The following PRR16 variants were observed in gnomAD, a reference collection of about 807,000 sequenced individuals.
PRR16 encodes the protein proline rich 16, also known as protein Largen.
PRR16 carries 6 observed loss-of-function variants against 18.2 expected under a neutral mutation model. That is an observed-to-expected ratio of 0.33 (90% CI 0.18 to 0.65). PRR16 has a LOEUF of 0.65. Ranked by LOEUF, PRR16 falls within the 30% of genes least tolerant of loss-of-function variation. The pLI is 0.74. For synonymous variants in PRR16, 151 were observed against 147.8 expected, an observed-to-expected ratio of 1.02 and a Z score of -0.16; for missense variants, 412 against 376.6, an observed-to-expected ratio of 1.09 and a Z score of -0.78.
chr5:120,541,346 A>G (rs548191380), intron 1 of PRR16, among the ~76,000 whole-genome samples: 12 of 152,138 alleles, frequency 7.9e-5, no homozygotes, highest in East Asian at 3.9e-4. Flanking sequence ...TGGTTTCACT[A>G]TGTTGGCCAG....
At chr5:120,562,851 A>C (rs1752618971) in intron 1 of PRR16, among the ~76,000 whole-genome samples, 1 of 152,118 alleles carries the variant, frequency 6.6e-6, no homozygotes, top group Admixed American at 6.6e-5. Flanking sequence ...TGTCTTAAAA[A>C]GTTTTTATAG....
chr5:120,580,293 A>G (rs1176115569), intron 1 of PRR16, among the ~76,000 whole-genome samples: 3 of 152,026 alleles, frequency 2.0e-5, no homozygotes, highest in Non-Finnish European at 4.4e-5. Context: ...GAGAGAGGGC[A>G]TTCTTGTCTT....
the PRR16 span, among the ~76,000 whole-genome samples, chr5:120,697,634 C>A: frequency 2.0e-5 from 3 of 152,014 alleles, no homozygotes; most frequent in Admixed American, 2.0e-4. Context: ...CGGGCTGAGT[C>A]CGAAAAGAGA....
At chr5:120,729,854 G>T in the PRR16 span, among the ~76,000 whole-genome samples, 1 of 152,210 alleles carries the variant, frequency 6.6e-6, no homozygotes, top group East Asian at 1.9e-4. Flanking sequence ...AAAGTTGTAC[G>T]TGATGGAGGG....
chr5:120,603,904 G>A lies in PRR16; in HGVS notation c.160-82050G>A, dbSNP rs1043302676. Among the ~76,000 whole-genome samples the A allele has an allele frequency of 6.6e-5, 10 of 151,894 alleles. No individual in the cohort carries two copies. The East Asian group carries it at 9.7e-4, about 15-fold the overall frequency. The stretch of plus-strand genomic sequence containing the variant: ...TATTGATTTCTGTTTTTATTGTGCC[G>A]TAGTCTAAGAGTGTTCTTGGGATGA... On this transcript the variant is annotated intron_variant, in intron 1 of 1. Transcript: ENST00000407149.
intron 1 of PRR16, among the ~76,000 whole-genome samples, chr5:120,535,961 T>C (rs1239072471): frequency 6.6e-6 from 1 of 152,148 alleles, no homozygotes; most frequent in East Asian, 1.9e-4. Context: ...AAATAAATTA[T>C]TTAAAAAGAA....
chr5:120,495,684 T>G (rs1750221199), intron 1 of PRR16, among the ~76,000 whole-genome samples: 1 of 152,072 alleles, frequency 6.6e-6, no homozygotes, highest in South Asian at 2.1e-4. Context: ...TGTAGAGAGA[T>G]ATATATGATT....
At chr5:120,779,860 G>A in the PRR16 span, among the ~76,000 whole-genome samples, 1,217 of 152,162 alleles carry the variant, frequency 8.0e-3, 7 homozygotes, top group Middle Eastern at 0.024. Context: ...CTCTCCCATC[G>A]ACGTGTGCCA....
chr5:120,567,070 T>A (rs1178788646), intron 1 of PRR16, among the ~76,000 whole-genome samples: 1 of 152,194 alleles, frequency 6.6e-6, no homozygotes, highest in Non-Finnish European at 1.5e-5. Flanking sequence ...TCAAATCATT[T>A]TGTGCTATGC....
chr5:120,547,882 A>G (rs565350503), intron 1 of PRR16, among the ~76,000 whole-genome samples: 1 of 152,208 alleles, frequency 6.6e-6, no homozygotes, highest in South Asian at 2.1e-4. Flanking sequence ...GCACCCATAC[A>G]GGCAGTAGAT....
At chr5:120,585,899 G>A (rs1308300384) in intron 1 of PRR16, among the ~76,000 whole-genome samples, 2 of 151,942 alleles carry the variant, frequency 1.3e-5, no homozygotes, top group Non-Finnish European at 2.9e-5. Flanking sequence ...TTTTGGGCCG[G>A]GTGCGATGGC....
At position 120,491,040 on chromosome 5, in the gene PRR16, G is replaced by A. The variant is rs563837352; in HGVS notation, c.159+26395G>A. Among the ~76,000 whole-genome samples the A allele has an allele frequency of 2.2e-3, 333 of 152,268 alleles. 3 individuals carry two copies. The highest frequency in any genetic ancestry group is 7.2e-3 in the African/African-American group (301 of 41,552). ...TTTTGTCTCAGAGGAGTACCCGGCC[G>A]TGTGAGGTATCAGTCTGCCCCTACT... On this transcript the variant is annotated intron_variant, in intron 1 of 1. Transcript: ENST00000407149.
intron 1 of PRR16, among the ~76,000 whole-genome samples, chr5:120,668,114 G>C (rs369042334): frequency 1.5e-4 from 23 of 151,936 alleles, no homozygotes; most frequent in East Asian, 1.2e-3. Context: ...TCACTCAGGA[G>C]TTGCTTTATG....
intron 1 of PRR16, among the ~76,000 whole-genome samples, chr5:120,670,721 C>T (rs1756572484): frequency 6.6e-6 from 1 of 152,092 alleles, no homozygotes; most frequent in Non-Finnish European, 1.5e-5. Context: ...TGCATTCATG[C>T]TAAGCACACT....
At chr5:120,645,547 C>A (rs1755562090) in intron 1 of PRR16, among the ~76,000 whole-genome samples, 1 of 151,952 alleles carries the variant, frequency 6.6e-6, no homozygotes, top group Admixed American at 6.6e-5. Flanking sequence ...ACATATTCCC[C>A]ATTTCAGAGT....
intron 1 of PRR16, among the ~76,000 whole-genome samples, chr5:120,529,512 CCTT>C (rs1290136300): frequency 6.6e-6 from 1 of 152,078 alleles, no homozygotes; most frequent in East Asian, 1.9e-4. Flanking sequence ...CACTACATAA[CCTT>C]CTTGGTTATA....
intron 1 of PRR16, among the ~76,000 whole-genome samples, chr5:120,543,544 T>C (rs1180876203): frequency 1.3e-5 from 2 of 152,174 alleles, no homozygotes; most frequent in African/African-American, 2.4e-5. Flanking sequence ...AGTCCTTCAA[T>C]TGAACATACA....
chr5:120,695,722 C>T, the PRR16 span, among the ~76,000 whole-genome samples: 1 of 152,112 alleles, frequency 6.6e-6, no homozygotes, highest in Middle Eastern at 3.2e-3. Flanking sequence ...TTAATAATCT[C>T]CCAATCTAGC....
At chr5:120,498,902 A>G (rs972770412) in intron 1 of PRR16, among the ~76,000 whole-genome samples, 4 of 151,542 alleles carry the variant, frequency 2.6e-5, no homozygotes, top group Non-Finnish European at 4.4e-5. Context: ...TTTAAATTAT[A>G]TTTTTCCCTG....
Sources: gnomAD v4.1 joint callset for allele counts (sites outside exome capture counted in the v4.1 genomes callset) on GRCh38, gnomAD v4.1.1 for gene constraint, MANE v1.5 for transcripts, NCBI Gene and HGNC (gene_info 2026-07-23, HGNC 2026-07-21) for gene names.